IQCE: variants seen among roughly 807,000 people sequenced by gnomAD.
IQCE encodes the protein IQ domain-containing protein E.
In IQCE, 115 loss-of-function variants were observed where a neutral mutation model predicts 96.0. That is an observed-to-expected ratio of 1.20 (90% confidence interval 1.03 to 1.40). The LOEUF is 1.40. Among genes scored for constraint, IQCE ranks in the 40% most tolerant of loss-of-function variants. IQCE has a pLI of 0.00. For missense variants in IQCE, 1,041 were observed against 909.1 expected (o/e 1.15, Z -1.87); for synonymous variants, 412 against 371.2 (o/e 1.11, Z -1.26).
intron 13 of IQCE, among the ~76,000 whole-genome samples, chr7:2,589,048 A>T (rs558780673): frequency 6.6e-6 from 1 of 152,180 alleles, no homozygotes; most frequent in Admixed American, 6.5e-5. Context: ...AAACGTTTTT[A>T]AAAAATAGTT....
chr7:2,597,387 G>C (rs1016545080), intron 16 of IQCE, among the ~76,000 whole-genome samples: 1 of 152,270 alleles, frequency 6.6e-6, no homozygotes, highest in African/African-American at 2.4e-5. Flanking sequence ...GGCCCAGAGG[G>C]GCAGCAAGGC....
chr7:2,563,290 G>A (rs1467053610), intron 1 of IQCE, among the ~76,000 whole-genome samples: 2 of 151,976 alleles, frequency 1.3e-5, no homozygotes, highest in African/African-American at 2.4e-5. Context: ...TCAACTTCCC[G>A]GACCCAGGTG....
At chr7:2,587,996 C>G (rs1312035039) in intron 13 of IQCE, 119 bp downstream of exon 13, 1 of 943,162 alleles carries the variant, frequency 1.1e-6, no homozygotes, top group African/African-American at 1.6e-5. Context: ...CCAGGCAGCG[C>G]CACACACAGA....
At chr7:2,561,078 C>T (rs1780916803) in intron 1 of IQCE, among the ~76,000 whole-genome samples, 1 of 102,468 alleles carries the variant, frequency 9.8e-6, no homozygotes. Flanking sequence ...CTGCCTCAGC[C>T]TCCTCAGTAG....
At chr7:2,609,954 C>T (rs1016490095) in intron 21 of IQCE, 90 bp from the exon 22 acceptor site, 10 of 737,186 alleles carry the variant, frequency 1.4e-5, no homozygotes, top group African/African-American at 7.0e-5. Context: ...TCTTGCCTGC[C>T]GGGGAAGAGC....
intron 12 of IQCE, among the ~76,000 whole-genome samples, chr7:2,587,242 G>C (rs1015857813): frequency 6.6e-6 from 1 of 152,018 alleles, no homozygotes; most frequent in African/African-American, 2.4e-5. Flanking sequence ...GGCCACGGGA[G>C]GTCTGAGTGT....
intron 2 of IQCE, 134 bp downstream of exon 2, chr7:2,567,297 C>T (rs1173139161): frequency 1.4e-6 from 1 of 738,122 alleles, no homozygotes; most frequent in Non-Finnish European, 2.3e-6. Context: ...CCGAATGCTC[C>T]TTGGTGTTTG....
chr7:2,561,713 G>A (rs559261836), intron 1 of IQCE, among the ~76,000 whole-genome samples: 52 of 152,252 alleles, frequency 3.4e-4, no homozygotes, highest in African/African-American at 1.2e-3. Flanking sequence ...GAGCCACCAC[G>A]TCCGGCCTTA....
At chr7:2,602,836 C>T (rs780660758) in intron 18 of IQCE, among the ~76,000 whole-genome samples, 3 of 152,236 alleles carry the variant, frequency 2.0e-5, no homozygotes, top group Non-Finnish European at 4.4e-5. Flanking sequence ...GTGTGGGCGG[C>T]ACACCAGGCT....
At position 2,614,554 on chromosome 7, in the gene IQCE, T is replaced by G. The variant is rs1785222701; in HGVS notation, c.*4392T>G. 6.6e-6 allele frequency: 1 copy of G among 152,260 alleles called. No individual in the cohort carries two copies. The highest frequency in any genetic ancestry group is 2.4e-5 in the African/African-American group (1 of 41,462). 9.4% of individuals were successfully genotyped at this position (152,260 alleles called of 1,614,324 possible). ...AAGCTGAAATGTGAAACTGTCAAGA[T>G]GGCTTAGGAGAGGAAGGAGTGGACC... is the stretch of plus-strand genomic sequence containing the variant. On this transcript the variant is annotated 3_prime_UTR_variant, in exon 22 of 22. Coordinates refer to ENST00000402050, the MANE Select transcript of IQCE (RefSeq NM_152558.5).
At chr7:2,581,999 A>T (rs1176504287) in intron 8 of IQCE, 1 of 459,044 alleles carries the variant, frequency 2.2e-6, no homozygotes, top group Non-Finnish European at 4.5e-6. Context: ...GGCGTGAGCC[A>T]CCGCGCCCGG....
chr7:2,591,414 C>T (rs531844343), intron 14 of IQCE, among the ~76,000 whole-genome samples: 11 of 152,212 alleles, frequency 7.2e-5, no homozygotes, highest in Non-Finnish European at 1.2e-4. Flanking sequence ...CCTCAGGGCT[C>T]GGCTCCTTCA....
At position 2,587,832 on chromosome 7, in the gene IQCE, G is replaced by A. The variant is rs1783241837; in HGVS notation, c.999G>A (p.Glu333=). 7.4e-6 allele frequency: 12 copies of A among 1,614,010 alleles called. No individual in the cohort carries two copies. The highest frequency in any genetic ancestry group is 5.5e-5 in the South Asian group (5 of 91,094). The change falls in exon 13 of 22, where the codon GAG becomes GAA. Residue 333 remains glutamate, a synonymous_variant. Transcript: ENST00000402050. ...PTISKTQGYV[E]WSKPRLLRRI... ...CATTGCTTCCATCAGGTTATGTGGAGTGGAGCAAGCCCCGGCTGCTGAGGC... is the reference window on the plus strand; with the variant it reads ...CATTGCTTCCATCAGGTTATGTGGAATGGAGCAAGCCCCGGCTGCTGAGGC...
intron 3 of IQCE, 131 bp downstream of exon 3, chr7:2,569,130 C>A: frequency 1.2e-6 from 1 of 817,870 alleles, no homozygotes; most frequent in Non-Finnish European, 2.0e-6. Context: ...CCCATTCCCA[C>A]TGGGGTCTCC....
intron 11 of IQCE, among the ~76,000 whole-genome samples, chr7:2,585,206 T>C (rs1222522565): frequency 6.6e-6 from 1 of 152,012 alleles, no homozygotes; most frequent in Non-Finnish European, 1.5e-5. Flanking sequence ...CCCAGATAAT[T>C]TTTGTATTTT....
In IQCE at chr7:2,567,723, T is replaced by C. The variant is rs1382742503; in HGVS notation, c.84+560T>C. Among the ~76,000 whole-genome samples the C allele has an allele frequency of 2.6e-5, 4 of 152,316 alleles. No homozygotes were observed. In the East Asian group the frequency reaches 7.7e-4, roughly 29 times the overall value. On this transcript the variant is annotated intron_variant, in intron 2 of 21. Transcript: ENST00000402050. ...TATGAGCGAAAAAAGCTTTTCTTACTGGAGACGCAGATCTAGCAAACCTGC... is the reference window on the plus strand; with the variant it reads ...TATGAGCGAAAAAAGCTTTTCTTACCGGAGACGCAGATCTAGCAAACCTGC...
intron 6 of IQCE, among the ~76,000 whole-genome samples, chr7:2,575,202 G>T (rs989850048): frequency 6.6e-6 from 1 of 152,260 alleles, no homozygotes; most frequent in Non-Finnish European, 1.5e-5. Context: ...TCAATCCTGT[G>T]TTGTGGCAGG....
In IQCE at chr7:2,612,258, A is replaced by G. The variant is rs2128476570; in HGVS notation, c.*2096A>G. The G allele has an allele frequency of 6.6e-6, 1 of 152,396 alleles. No homozygotes were observed. The highest frequency in any genetic ancestry group is 1.9e-4 in the East Asian group (1 of 5,186). 9.4% of individuals were successfully genotyped at this position (152,396 alleles called of 1,614,324 possible). On this transcript the variant is annotated 3_prime_UTR_variant, in exon 22 of 22. Coordinates refer to ENST00000402050, the MANE Select transcript of IQCE (RefSeq NM_152558.5). ...CTGGGCTGCTCTTTTAAAAGCCAGCATCCATCTTGAAGCTCGCTGGGTAAA... is the reference window on the plus strand; with the variant it reads ...CTGGGCTGCTCTTTTAAAAGCCAGCGTCCATCTTGAAGCTCGCTGGGTAAA...
chr7:2,598,060 C>A (rs979444003), intron 16 of IQCE: 18 of 159,862 alleles, frequency 1.1e-4, no homozygotes, highest in Non-Finnish European at 2.3e-4. Flanking sequence ...TCCCAGAAAT[C>A]CCATGTTTAT....
Sources: gnomAD v4.1 joint callset for allele counts (sites outside exome capture counted in the v4.1 genomes callset) on GRCh38, gnomAD v4.1.1 for gene constraint, MANE v1.5 for transcripts, NCBI Gene and HGNC (gene_info 2026-07-23, HGNC 2026-07-21) for gene names.